WWOX: variants seen among roughly 807,000 people sequenced by gnomAD.
WWOX encodes WW domain-containing oxidoreductase.
WWOX carries 69 observed loss-of-function variants against 46.2 expected under a neutral mutation model. The ratio of observed to expected loss-of-function variants is 1.49; its 90% CI spans 1.23 to 1.82. The LOEUF is 1.82. Among genes scored for constraint, WWOX ranks in the 40% most tolerant of loss-of-function variants. WWOX has a pLI of 0.00. For synonymous variants in WWOX, 359 were observed against 202.6 expected (o/e 1.77, Z -6.56); for missense variants, 919 against 542.6 (o/e 1.69, Z -6.89).
intron 8 of WWOX, among the ~76,000 whole-genome samples, chr16:78,809,186 C>G (rs1416644620): frequency 6.6e-6 from 1 of 151,792 alleles, no homozygotes; most frequent in Non-Finnish European, 1.5e-5. Context: ...GCAAATGTTT[C>G]TCCTGGATGG....
rs371475671 is a variant in WWOX at position 78,339,648 on chromosome 16, G to C, written c.517-47212G>C. Among the ~76,000 whole-genome samples the C allele has an allele frequency of 1.7e-5, 2 of 119,262 alleles. 1 individual carries two copies. Among genetic ancestry groups the C allele is most frequent in the African/African-American group, 5.7e-5 (2 of 35,208 alleles). 78.2% of individuals were successfully genotyped at this position (119,262 alleles called of 152,430 possible). A position where few individuals can be genotyped will look rare whatever the true frequency, so the allele number is the denominator to read the frequency against. On this transcript the variant is annotated intron_variant, in intron 5 of 8. Transcript: ENST00000566780. ...TGTGTGTCTGTGTGTGTGTATTTCA[G>C]GTTTCAAAATGTTTCTGTTCCATCC...
At chr16:78,496,550 C>T (rs965030920) in intron 8 of WWOX, 1 of 152,184 alleles carries the variant, frequency 6.6e-6, no homozygotes, top group Non-Finnish European at 1.5e-5. Context: ...CATTCTATGA[C>T]CATTGAATCT....
chr16:78,589,168 A>G (rs898505214), intron 8 of WWOX, among the ~76,000 whole-genome samples: 1 of 152,078 alleles, frequency 6.6e-6, no homozygotes, highest in Non-Finnish European at 1.5e-5. Context: ...GGATCCGGGG[A>G]GCATATGGAG....
At chr16:79,178,470 C>T (rs1476838923) in intron 8 of WWOX, among the ~76,000 whole-genome samples, 2 of 152,088 alleles carry the variant, frequency 1.3e-5, no homozygotes, top group Admixed American at 1.3e-4. Flanking sequence ...TGAGCACCAC[C>T]ATGCCTGGCT....
chr16:78,277,896 A>T (rs1244783652), intron 5 of WWOX, among the ~76,000 whole-genome samples: 1 of 152,186 alleles, frequency 6.6e-6, no homozygotes, highest in Admixed American at 6.5e-5. Flanking sequence ...AACCTTTGCT[A>T]ACACCGTGGA....
chr16:78,767,818 A>C (rs967824185), intron 8 of WWOX, among the ~76,000 whole-genome samples: 3 of 152,102 alleles, frequency 2.0e-5, no homozygotes, highest in Admixed American at 1.3e-4. Context: ...TGTTAAGCGT[A>C]CTTTCACGTG....
At chr16:79,058,897 C>T (rs533459493) in intron 8 of WWOX, among the ~76,000 whole-genome samples, 1 of 152,320 alleles carries the variant, frequency 6.6e-6, no homozygotes, top group East Asian at 1.9e-4. Flanking sequence ...GGACTTACTC[C>T]TCTCCGTACA....
chr16:78,879,533 C>T (rs776120483), intron 8 of WWOX, among the ~76,000 whole-genome samples: 11 of 152,062 alleles, frequency 7.2e-5, no homozygotes, highest in Admixed American at 1.3e-4. Flanking sequence ...CCTTTGGCCT[C>T]GTGACCACCA....
intron 8 of WWOX, among the ~76,000 whole-genome samples, chr16:78,627,054 C>T (rs767539677): frequency 6.6e-6 from 1 of 152,102 alleles, no homozygotes; most frequent in East Asian, 1.9e-4. Flanking sequence ...CCACCTCATA[C>T]ATACACAAAG....
intron 8 of WWOX, among the ~76,000 whole-genome samples, chr16:78,921,827 C>T (rs1597153796): frequency 6.6e-6 from 1 of 152,158 alleles, no homozygotes; most frequent in South Asian, 2.1e-4. Context: ...TGAGGTGGTC[C>T]TCAAACCCAT....
intron 8 of WWOX, among the ~76,000 whole-genome samples, chr16:79,027,002 A>T (rs1016582227): frequency 2.0e-5 from 3 of 151,284 alleles, no homozygotes; most frequent in Non-Finnish European, 4.4e-5. Context: ...AGTGGAGTCC[A>T]GGTACAGTGG....
chr16:78,647,890 G>C (rs1444543534), intron 8 of WWOX, among the ~76,000 whole-genome samples: 4 of 152,216 alleles, frequency 2.6e-5, no homozygotes, highest in Admixed American at 1.3e-4. Flanking sequence ...TGAGTATTTA[G>C]AGGCTTTTAT....
chr16:78,840,734 G>C (rs2052117631), intron 8 of WWOX, among the ~76,000 whole-genome samples: 2 of 151,762 alleles, frequency 1.3e-5, no homozygotes, highest in African/African-American at 4.9e-5. Flanking sequence ...TGGGTACCTA[G>C]TAGGTGTGTA....
At chr16:78,896,471 C>T (rs1299015129) in intron 8 of WWOX, 2 of 152,172 alleles carry the variant, frequency 1.3e-5, no homozygotes, top group African/African-American at 4.8e-5. Flanking sequence ...GCCAGCGTTG[C>T]TTCCCCTACC....
chr16:78,890,017 T>A (rs1003444261), intron 8 of WWOX, among the ~76,000 whole-genome samples: 49 of 152,132 alleles, frequency 3.2e-4, no homozygotes, highest in Admixed American at 1.6e-3. Context: ...ATGTTAGGAA[T>A]TTTCTGAAGT....
chr16:78,545,476 C>T (rs2044007058), intron 8 of WWOX, among the ~76,000 whole-genome samples: 1 of 152,148 alleles, frequency 6.6e-6, no homozygotes, highest in African/African-American at 2.4e-5. Context: ...TCTTAGTCTC[C>T]TGAGTAGCTG....
At chr16:78,785,404 C>G (rs1217802467) in intron 8 of WWOX, among the ~76,000 whole-genome samples, 1 of 152,212 alleles carries the variant, frequency 6.6e-6, no homozygotes, top group Non-Finnish European at 1.5e-5. Flanking sequence ...TGGTCTCACT[C>G]TGCAACACAC....
intron 5 of WWOX, among the ~76,000 whole-genome samples, chr16:78,362,332 G>C (rs2081427875): frequency 6.6e-6 from 1 of 152,064 alleles, no homozygotes; most frequent in Admixed American, 6.6e-5. Context: ...AAACAGGACA[G>C]GCATTACAGG....
At position 78,756,825 on chromosome 16, in the gene WWOX, A is replaced by G. The variant is rs951706131; in HGVS notation, c.1056+324073A>G. The G allele has an allele frequency of 2.4e-5, 15 of 623,010 alleles. No individual in the cohort carries two copies. The South Asian group carries it at 2.7e-4, about 11-fold the overall frequency. 38.6% of individuals were successfully genotyped at this position (623,010 alleles called of 1,614,324 possible). A position where few individuals can be genotyped will look rare whatever the true frequency, so the allele number is the denominator to read the frequency against. ...AGCATAGTCTTCTCGGACACCTAAT[A>G]CTACTGACCTGTATAATCGATAGGG... On this transcript the variant is annotated intron_variant, in intron 8 of 8. Coordinates refer to ENST00000566780, the MANE Select transcript of WWOX (RefSeq NM_016373.4).
Sources: allele counts gnomAD v4.1 joint callset (sites outside exome capture counted in the v4.1 genomes callset), GRCh38; gene constraint gnomAD v4.1.1; transcripts MANE v1.5; gene names NCBI Gene and HGNC (gene_info 2026-07-23, HGNC 2026-07-21).